Variants in ZFC3H1 observed in about 807,000 individuals in gnomAD.
The protein encoded by ZFC3H1 is zinc finger C3H1 domain-containing protein.
A neutral mutation model predicts 243.7 loss-of-function variants in ZFC3H1; 71 were observed. The observed-to-expected ratio is 0.29, with a 90% CI of 0.24 to 0.36. The LOEUF is 0.36. Ranked by LOEUF, ZFC3H1 falls within the 10% of genes least tolerant of loss-of-function variation. ZFC3H1 has a pLI of 1.00. For missense variants in ZFC3H1, 1,966 were observed against 2,317.1 expected (o/e 0.85, Z 3.11); for synonymous variants, 838 against 813.0 (o/e 1.03, Z -0.52).
chr12:71,642,501 C>G lies in ZFC3H1; in HGVS notation c.1562G>C (p.Gly521Ala). 6.2e-7 allele frequency: 1 copy of G among 1,613,550 alleles called. No individual in the cohort carries two copies. The highest frequency in any genetic ancestry group is 1.7e-5 in the Admixed American group (1 of 59,966). The change falls in exon 6 of 35, where the codon GGC becomes GCC. Residue 521 changes from glycine (G) to alanine (A), a missense_variant. Gly to Ala is a moderately conservative substitution (Grantham distance 60). Around this residue, in one of 4 missense-constraint regions of ZFC3H1, gnomAD observed 1,383 missense variants for 1,723.7 expected, o/e 0.80. Transcript: ENST00000378743. ...TTCATAGTTATCATACTGATAAATGCCTCCTCCACTATCAGTAGGTTGCTT... is the reference window on the plus strand; with the variant it reads ...TTCATAGTTATCATACTGATAAATGGCTCCTCCACTATCAGTAGGTTGCTT... ...LDKQPTDSGG[G>A]IYQYDNYEEV...
intron 6 of ZFC3H1, among the ~76,000 whole-genome samples, chr12:71,639,847 G>T (rs1271322165): frequency 6.6e-6 from 1 of 152,192 alleles, no homozygotes; most frequent in Non-Finnish European, 1.5e-5. Context: ...AAAGAACTAG[G>T]CAAGTGTTTG....
intron 11 of ZFC3H1, among the ~76,000 whole-genome samples, 169 bp from the exon 12 acceptor site, chr12:71,634,473 T>C (rs947949544): frequency 1.3e-5 from 2 of 152,224 alleles, no homozygotes; most frequent in Non-Finnish European, 2.9e-5. Flanking sequence ...AGTGGAGTCC[T>C]TCTCTTTGAG....
chr12:71,631,543 C>T (rs963203679), intron 16 of ZFC3H1, among the ~76,000 whole-genome samples: 6 of 152,080 alleles, frequency 3.9e-5, no homozygotes, highest in Non-Finnish European at 7.4e-5. Flanking sequence ...ATCCAAAATT[C>T]TCCACACTTC....
chr12:71,644,733 G>A lies in ZFC3H1; in HGVS notation c.1279+144C>T, dbSNP rs887382558. The A allele has an allele frequency of 3.9e-5, 36 of 925,516 alleles. 1 individual carries two copies. The Admixed American group carries it at 8.2e-4, about 21-fold the overall frequency. 57.3% of individuals were successfully genotyped at this position (925,516 alleles called of 1,614,324 possible). A position where few individuals can be genotyped will look rare whatever the true frequency, so the allele number is the denominator to read the frequency against. ...CTTGGGAGGCTGAGGCAGGAGAATCGCCTGAACCTGGGAGGTGGAGGTTGC... is the reference window on the plus strand; with the variant it reads ...CTTGGGAGGCTGAGGCAGGAGAATCACCTGAACCTGGGAGGTGGAGGTTGC... On this transcript the variant is annotated intron_variant, in intron 4 of 34. Coordinates refer to ENST00000378743, the MANE Select transcript of ZFC3H1 (RefSeq NM_144982.5).
At chr12:71,625,450 A>G (rs1318186828) in intron 22 of ZFC3H1, among the ~76,000 whole-genome samples, 1 of 152,108 alleles carries the variant, frequency 6.6e-6, no homozygotes, top group Non-Finnish European at 1.5e-5. Context: ...CCAGCACTTC[A>G]GGAGGCCCAG....
Position 71,610,204 on chromosome 12 carries a change from C to T in ZFC3H1, c.*224G>A, listed in dbSNP as rs115801787. 1.1e-3 allele frequency: 486 copies of T among 432,870 alleles called. 2 individuals are homozygous for T. Among genetic ancestry groups the T allele is most frequent in the African/African-American group, 8.8e-3 (435 of 49,204 alleles). 26.8% of individuals were successfully genotyped at this position (432,870 alleles called of 1,614,324 possible). A position where few individuals can be genotyped will look rare whatever the true frequency, so the allele number is the denominator to read the frequency against. Reference sequence around the variant, plus strand: ...CGTATATGATGTTATGAGAATCTGGCAGGGCCTAGAAGCAGGCCAAACAGG... The same window carrying T: ...CGTATATGATGTTATGAGAATCTGGTAGGGCCTAGAAGCAGGCCAAACAGG... On this transcript the variant is annotated 3_prime_UTR_variant, in exon 35 of 35. Transcript: ENST00000378743.
chr12:71,660,066 G>C (rs567643278), intron 1 of ZFC3H1, among the ~76,000 whole-genome samples: 2 of 152,124 alleles, frequency 1.3e-5, no homozygotes, highest in South Asian at 2.1e-4. Flanking sequence ...TACAGTGAAA[G>C]GAGTTATGGC....
intron 4 of ZFC3H1, 101 bp from the exon 5 acceptor site, chr12:71,644,419 C>A: frequency 8.0e-7 from 1 of 1,251,038 alleles, no homozygotes; most frequent in South Asian, 1.6e-5. Flanking sequence ...AGTGATGATG[C>A]TCCTAAGTTG....
Position 71,645,058 on chromosome 12 carries a change from TTCA to T in ZFC3H1, c.1095_1097del (p.Asp365del). On this transcript the variant is annotated inframe_deletion, in exon 4 of 35. Coordinates refer to ENST00000378743, the MANE Select transcript of ZFC3H1 (RefSeq NM_144982.5). ...GAAGCTGTAATTCAGATAGTTCCTC[TTCA>T]TCTTCACCAAGTTTCTTTAAAGCAA... 6.2e-7 allele frequency: 1 copy of T among 1,603,572 alleles called. No homozygotes were observed. Among genetic ancestry groups the T allele is most frequent in the East Asian group, 2.2e-5 (1 of 44,832 alleles).
Position 71,632,372 on chromosome 12 carries a change from C to G in ZFC3H1, c.2960G>C (p.Arg987Pro). ...ALKIQKLKEA[R>P]ALKAKEQQNI... The stretch of plus-strand genomic sequence containing the variant: ...TTGTTGTTCCTTTGCTTTAAGGGCA[C>G]GGGCTTCTTTTAATTTTTGAATTTT... Residue 987 changes from arginine (R) to proline (P), a missense_variant, in exon 15 of 35, where the codon CGT (arginine) becomes CCT (proline). Coordinates refer to ENST00000378743, the MANE Select transcript of ZFC3H1 (RefSeq NM_144982.5). 6.2e-7 allele frequency: 1 copy of G among 1,613,462 alleles called. No homozygotes were observed. The highest frequency in any genetic ancestry group is 8.5e-7 in the Non-Finnish European group (1 of 1,179,830).
Position 71,614,632 on chromosome 12 carries a change from G to T in ZFC3H1, c.5429C>A (p.Thr1810Asn). Residue 1810 changes from threonine (T) to asparagine (N), a missense_variant, in exon 30 of 35, where the codon ACT (threonine) becomes AAT (asparagine). Physicochemically the swap from Thr to Asn is moderately conservative, Grantham distance 65. Coordinates refer to ENST00000378743, the MANE Select transcript of ZFC3H1 (RefSeq NM_144982.5). ...AACCAAACATCTATTCACTAAATCA[G>T]TAAAAAATTTGAATTCTTGAACTTT... is the stretch of plus-strand genomic sequence containing the variant. Reference protein sequence around the residue: ...RNKVQEFKFFTDLVNRCLVTV... With the variant: ...RNKVQEFKFFNDLVNRCLVTV... The T allele has an allele frequency of 6.2e-7, 1 of 1,613,354 alleles. No homozygotes were observed. Among genetic ancestry groups the T allele is most frequent in the Non-Finnish European group, 8.5e-7 (1 of 1,179,592 alleles).
intron 1 of ZFC3H1, chr12:71,660,381 A>G (rs1881134417): frequency 6.6e-6 from 1 of 152,242 alleles, no homozygotes; most frequent in South Asian, 2.1e-4. Context: ...TTCATAGGGA[A>G]AACAATGAGC....
At chr12:71,638,288 T>C in intron 7 of ZFC3H1, 130 bp downstream of exon 7, 1 of 857,860 alleles carries the variant, frequency 1.2e-6, no homozygotes, top group Non-Finnish European at 1.8e-6. Flanking sequence ...TTCTACGTAT[T>C]TCATTGCTAT....
At position 71,647,756 on chromosome 12, in the gene ZFC3H1, G is replaced by T; in HGVS notation, c.1073C>A (p.Ser358Tyr). 2 of 1,475,400 alleles carry T rather than the reference G, an allele frequency of 1.4e-6. No homozygotes were observed. Among genetic ancestry groups the T allele is most frequent in the South Asian group, 1.2e-5 (1 of 80,630 alleles). The allele number at this position is 1,475,400 out of a possible 1,614,324, so 91.4% of individuals were successfully genotyped here. Reference protein sequence around the residue: ...TRRISTSDILSEKKLGEDEEE... With the variant: ...TRRISTSDILYEKKLGEDEEE... Reference sequence around the variant, plus strand: ...CACAAAGCAGTATCTTACCTTTTCAGACAGAATATCTGAGGTACTAATTCT... The same window carrying T: ...CACAAAGCAGTATCTTACCTTTTCATACAGAATATCTGAGGTACTAATTCT... The change falls in exon 3 of 35, where the codon TCT becomes TAT. Residue 358 changes from serine to tyrosine, a missense_variant. Physicochemically the swap from Ser to Tyr is moderately radical, Grantham distance 144 (BLOSUM62 -2). This residue lies in a region of ZFC3H1 where 484 missense variants were observed against 449.7 expected (regional missense o/e 1.08). Coordinates refer to ENST00000378743, the MANE Select transcript of ZFC3H1 (RefSeq NM_144982.5).
intron 12 of ZFC3H1, among the ~76,000 whole-genome samples, chr12:71,633,717 T>C (rs1471132002): frequency 1.3e-5 from 2 of 152,134 alleles, no homozygotes; most frequent in African/African-American, 2.4e-5. Context: ...ATATTCAACG[T>C]TGGGCCAGGC....
At chr12:71,620,375 T>C (rs1349465860) in intron 24 of ZFC3H1, 60 bp from the exon 25 acceptor site, 3 of 1,556,352 alleles carry the variant, frequency 1.9e-6, no homozygotes, top group Non-Finnish European at 1.8e-6. Context: ...AATATTTGAC[T>C]GTGTTACTTC....
Position 71,635,563 on chromosome 12 carries a change from T to A in ZFC3H1, c.2118A>T (p.Ser706=). The part of the protein sequence containing the change: ...RTVISLPKHK[S]VVVTLNDSDD... ...CTGAATCATTTAGTGTTACAACCAC[T>A]GATTTATGCTTTGGAAGCTGCAAAG... The change falls in exon 10 of 35, where the codon TCA becomes TCT. Residue 706 remains serine (S), a synonymous_variant. Transcript: ENST00000378743. 6.5e-7 allele frequency: 1 copy of A among 1,546,342 alleles called. No individual in the cohort carries two copies. The highest frequency in any genetic ancestry group is 8.6e-7 in the Non-Finnish European group (1 of 1,157,192).
chr12:71,612,606 T>G lies in ZFC3H1; in HGVS notation c.5628-719A>C, dbSNP rs555430156. Among the ~76,000 whole-genome samples the G allele has an allele frequency of 2.0e-5, 3 of 152,276 alleles. No homozygotes were observed. In the East Asian group the frequency reaches 5.8e-4, roughly 29 times the overall value. ...TTTTATACGATTTTCCCCACATACA[T>G]GCTAAATGAAATGTAAATCCTTTAA... is the stretch of plus-strand genomic sequence containing the variant. On this transcript the variant is annotated intron_variant, in intron 31 of 34. Transcript: ENST00000378743.
Position 71,636,472 on chromosome 12 carries a change from T to C in ZFC3H1, c.2100+18A>G, listed in dbSNP as rs1149006. Reference sequence around the variant, plus strand: ...CATAACTGTTTGAATAAAAGTAGCATTAAATTTTTGTTTTTACCGAGATCA... The same window carrying C: ...CATAACTGTTTGAATAAAAGTAGCACTAAATTTTTGTTTTTACCGAGATCA... On this transcript the variant is annotated intron_variant, in intron 9 of 34. Coordinates refer to ENST00000378743, the MANE Select transcript of ZFC3H1 (RefSeq NM_144982.5). 1,031,531 of 1,587,804 alleles carry C rather than the reference T, an allele frequency of 0.65. 351,330 individuals carry two copies. Among genetic ancestry groups the C allele is most frequent in the Middle Eastern group, 0.71 (4,192 of 5,906 alleles).
Sources: allele counts gnomAD v4.1 joint callset (sites outside exome capture counted in the v4.1 genomes callset), GRCh38; gene constraint gnomAD v4.1.1; regional missense constraint gnomAD v4.1.1; transcripts MANE v1.5; gene names NCBI Gene and HGNC (gene_info 2026-07-23, HGNC 2026-07-21).